Variants in MAML2 observed in about 807,000 individuals in gnomAD.
The protein encoded by MAML2 is mastermind-like protein 2.
MAML2 carries 22 observed loss-of-function variants against 96.1 expected under a neutral mutation model. The ratio of observed to expected loss-of-function variants is 0.23; its 90% CI spans 0.16 to 0.33. The LOEUF (loss-of-function observed/expected upper bound fraction) is 0.33. Ranked by LOEUF, MAML2 falls within the 10% of genes least tolerant of loss-of-function variation. The pLI is 1.00. For synonymous variants in MAML2, 561 were observed against 521.3 expected, an observed-to-expected ratio of 1.08 and a Z score of -1.04; for missense variants, 1,367 against 1,392.4, an observed-to-expected ratio of 0.98 and a Z score of 0.29.
At chr11:96,029,855 T>C (rs1238092407) in intron 2 of MAML2, among the ~76,000 whole-genome samples, 1 of 152,136 alleles carries the variant, frequency 6.6e-6, no homozygotes, top group Non-Finnish European at 1.5e-5. Flanking sequence ...AAACAGAGTT[T>C]TTTGTTTTTG....
At chr11:96,161,858 A>G (rs1244343605) in intron 1 of MAML2, among the ~76,000 whole-genome samples, 1 of 152,222 alleles carries the variant, frequency 6.6e-6, no homozygotes, top group Non-Finnish European at 1.5e-5. Context: ...TTTAGGAAAT[A>G]TAATCATGGC....
intron 1 of MAML2, among the ~76,000 whole-genome samples, chr11:96,299,618 C>T (rs1209167577): frequency 2.0e-5 from 3 of 152,190 alleles, no homozygotes; most frequent in Non-Finnish European, 4.4e-5. Context: ...GCCAGTGACC[C>T]ATGAATGTTG....
At chr11:96,023,431 C>T (rs1267308343) in intron 2 of MAML2, among the ~76,000 whole-genome samples, 2 of 152,174 alleles carry the variant, frequency 1.3e-5, no homozygotes, top group African/African-American at 4.8e-5. Flanking sequence ...CAGCACAGTT[C>T]CCACACATGT....
At chr11:96,021,289 T>C (rs1858431591) in intron 2 of MAML2, among the ~76,000 whole-genome samples, 1 of 152,194 alleles carries the variant, frequency 6.6e-6, no homozygotes, top group Admixed American at 6.5e-5. Flanking sequence ...AGCATGGCCT[T>C]ACTCACAGCA....
chr11:96,260,295 G>C (rs1195447047), intron 1 of MAML2, among the ~76,000 whole-genome samples: 3 of 152,212 alleles, frequency 2.0e-5, no homozygotes, highest in Non-Finnish European at 4.4e-5. Flanking sequence ...GACCCAGTCT[G>C]TACTCAGGTG....
chr11:96,282,976 AT>A (rs1425002361), intron 1 of MAML2, among the ~76,000 whole-genome samples: 2 of 152,180 alleles, frequency 1.3e-5, no homozygotes, highest in Admixed American at 1.3e-4. Context: ...ATTTTTCCAT[AT>A]ATGATGCCAG....
chr11:95,998,125 TGTCTGTCTGTCTGTCA>T (rs1177087926), intron 2 of MAML2, among the ~76,000 whole-genome samples: 15 of 125,696 alleles, frequency 1.2e-4, no homozygotes, highest in African/African-American at 4.7e-4. Context: ...TCTATCTATC[TGTCTGTCTGTCTGTCA>T]GTCTGTCTGT....
intron 1 of MAML2, among the ~76,000 whole-genome samples, chr11:96,108,529 T>A (rs903633220): frequency 6.6e-6 from 1 of 152,170 alleles, no homozygotes; most frequent in Non-Finnish European, 1.5e-5. Context: ...GTACCTCAGT[T>A]ATCTCATCTG....
chr11:96,106,123 T>C (rs924254414), intron 1 of MAML2, among the ~76,000 whole-genome samples: 3 of 152,232 alleles, frequency 2.0e-5, no homozygotes, highest in Admixed American at 2.0e-4. Context: ...TTTGAAGCAA[T>C]GTCCTATAGC....
At position 95,991,622 on chromosome 11, in the gene MAML2, T is replaced by A; in HGVS notation, c.2241A>T (p.Ser747=). Residue 747 remains serine (S), a synonymous_variant, in exon 3 of 5, where the codon TCA becomes TCT. Coordinates refer to ENST00000524717, the MANE Select transcript of MAML2 (RefSeq NM_032427.4). The stretch of plus-strand genomic sequence containing the variant: ...TTCCCATCAATTGCTGATTCAACAG[T>A]GATTGCTGGGAGTTCATGTAACCAC... ...TGSGYMNSQQ[S]LLNQQLMGKK... The A allele has an allele frequency of 6.2e-7, 1 of 1,613,664 alleles. No individual in the cohort carries two copies. Among genetic ancestry groups the A allele is most frequent in the Non-Finnish European group, 8.5e-7 (1 of 1,179,654 alleles).
rs377280046 is a variant in MAML2 at position 96,106,859 on chromosome 11, A to G, written c.514-13342T>C. On this transcript the variant is annotated intron_variant, in intron 1 of 4. Coordinates refer to ENST00000524717, the MANE Select transcript of MAML2 (RefSeq NM_032427.4). Reference sequence around the variant, plus strand: ...ATTTCTTCGCTGTACCTGCCTCATGATTAATATCTTGTATCCACTCGTTAG... The same window carrying G: ...ATTTCTTCGCTGTACCTGCCTCATGGTTAATATCTTGTATCCACTCGTTAG... Among the ~76,000 whole-genome samples the G allele has an allele frequency of 2.1e-3, 317 of 151,872 alleles. 1 individual carries two copies. The highest frequency in any genetic ancestry group is 7.1e-3 in the African/African-American group (294 of 41,458).
chr11:96,083,300 GT>G (rs1186547361), intron 2 of MAML2, among the ~76,000 whole-genome samples: 2 of 152,146 alleles, frequency 1.3e-5, no homozygotes, highest in African/African-American at 4.8e-5. Flanking sequence ...TACCTGTGCA[GT>G]TTTTTTCATG....
chr11:96,150,224 T>A (rs1233280647), intron 1 of MAML2, among the ~76,000 whole-genome samples: 1 of 152,226 alleles, frequency 6.6e-6, no homozygotes, highest in East Asian at 1.9e-4. Context: ...CTCTACTATG[T>A]GGGAGTGATG....
At chr11:96,056,934 G>A (rs1859079463) in intron 2 of MAML2, among the ~76,000 whole-genome samples, 1 of 152,280 alleles carries the variant, frequency 6.6e-6, no homozygotes, top group Non-Finnish European at 1.5e-5. Context: ...TGTATTCTAA[G>A]AATACCAATG....
At chr11:96,121,780 AT>A (rs543373689) in intron 1 of MAML2, among the ~76,000 whole-genome samples, 532 of 35,226 alleles carry the variant, frequency 0.015, 7 homozygotes, top group African/African-American at 0.021. Flanking sequence ...CAACTGCGTG[AT>A]TTTTTTTTTT....
intron 1 of MAML2, among the ~76,000 whole-genome samples, chr11:96,234,446 A>G (rs1862339421): frequency 6.6e-6 from 1 of 152,204 alleles, no homozygotes; most frequent in Admixed American, 6.5e-5. Context: ...ACGCCATTGC[A>G]CTCCAGCCTG....
intron 1 of MAML2, among the ~76,000 whole-genome samples, chr11:96,103,880 T>G (rs911348764): frequency 5.9e-5 from 9 of 152,248 alleles, no homozygotes; most frequent in Admixed American, 5.9e-4. Flanking sequence ...TTTGTTTGTT[T>G]GTTTTTCATT....
intron 1 of MAML2, among the ~76,000 whole-genome samples, chr11:96,207,232 T>C (rs10765798): frequency 0.12 from 17,813 of 152,208 alleles, 1,164 homozygotes; most frequent in East Asian, 0.24. Flanking sequence ...TGGGCAACAC[T>C]GTGCTGCAAA....
At chr11:96,192,138 G>A (rs2135922328) in intron 1 of MAML2, among the ~76,000 whole-genome samples, 1 of 152,340 alleles carries the variant, frequency 6.6e-6, no homozygotes, top group South Asian at 2.1e-4. Context: ...TCAAGTGAGG[G>A]TGAGCTTTCT....
Sources: allele counts gnomAD v4.1 joint callset (sites outside exome capture counted in the v4.1 genomes callset), GRCh38; gene constraint gnomAD v4.1.1; transcripts MANE v1.5; gene names NCBI Gene and HGNC (gene_info 2026-07-23, HGNC 2026-07-21).